Variants in DSCAM observed in about 807,000 individuals in gnomAD.
The protein encoded by DSCAM is DS cell adhesion molecule.
In DSCAM, 47 loss-of-function variants were observed where a neutral mutation model predicts 217.7. The ratio of observed to expected loss-of-function variants is 0.22; its 90% CI spans 0.17 to 0.28. The LOEUF (loss-of-function observed/expected upper bound fraction) is 0.28, where lower values mean the gene tolerates loss of function less well. DSCAM is among the 10% of genes least tolerant of loss of function. The pLI, the probability that DSCAM is intolerant of heterozygous loss-of-function variation, is 1.00. For synonymous variants in DSCAM, 1,056 were observed against 1,015.3 expected (o/e 1.04, Z -0.76); for missense variants, 2,080 against 2,618.3 (o/e 0.79, Z 4.49).
At chr21:40,642,029 A>AGAGG (rs10663304) in intron 3 of DSCAM, among the ~76,000 whole-genome samples, 1 of 144,124 alleles carries the variant, frequency 6.9e-6, no homozygotes, top group African/African-American at 2.6e-5. Flanking sequence ...CCTGGGTGAC[A>AGAGG]GAGACTCTGT....
At chr21:40,537,908 A>G (rs2146125165) in intron 3 of DSCAM, among the ~76,000 whole-genome samples, 1 of 152,262 alleles carries the variant, frequency 6.6e-6, no homozygotes, top group Non-Finnish European at 1.5e-5. Context: ...CACCTTTCGC[A>G]TTATATGAAG....
chr21:40,232,988 G>A (rs1444060090), intron 11 of DSCAM, among the ~76,000 whole-genome samples: 1 of 152,044 alleles, frequency 6.6e-6, no homozygotes, highest in Admixed American at 6.6e-5. Flanking sequence ...AGAAGAAAAT[G>A]AACTATGTTT....
At chr21:40,475,303 C>T (rs1385967824) in intron 3 of DSCAM, among the ~76,000 whole-genome samples, 1 of 152,188 alleles carries the variant, frequency 6.6e-6, no homozygotes, top group Non-Finnish European at 1.5e-5. Context: ...ACGAGGATGG[C>T]CCATCTTCCA....
intron 20 of DSCAM, among the ~76,000 whole-genome samples, chr21:40,102,653 A>G (rs191905295): frequency 1.3e-5 from 2 of 152,184 alleles, no homozygotes; most frequent in South Asian, 2.1e-4. Flanking sequence ...TGACCAGTAA[A>G]TAAGATATAA....
chr21:40,254,990 A>C (rs561183316), intron 11 of DSCAM, among the ~76,000 whole-genome samples: 1 of 152,066 alleles, frequency 6.6e-6, no homozygotes, highest in Non-Finnish European at 1.5e-5. Flanking sequence ...CGTGTGGGTA[A>C]AGGCCCCCTG....
chr21:40,575,462 C>T (rs1435781268), intron 3 of DSCAM, among the ~76,000 whole-genome samples: 1 of 95,934 alleles, frequency 1.0e-5, no homozygotes, highest in East Asian at 3.1e-4. Flanking sequence ...AATTAGATTA[C>T]GGGAATAGAA....
intron 2 of DSCAM, among the ~76,000 whole-genome samples, chr21:40,702,860 CACA>C (rs1465462338): frequency 1.3e-5 from 2 of 152,118 alleles, no homozygotes; most frequent in Admixed American, 1.3e-4. Flanking sequence ...GGTGACATTA[CACA>C]ACTTCACATA....
intron 18 of DSCAM, among the ~76,000 whole-genome samples, chr21:40,142,172 G>A (rs994791719): frequency 1.3e-5 from 2 of 152,100 alleles, no homozygotes; most frequent in East Asian, 1.9e-4. Flanking sequence ...GAAATTTAAC[G>A]TTTCCCCGCG....
At chr21:40,137,873 C>T (rs1415296283) in intron 18 of DSCAM, among the ~76,000 whole-genome samples, 1 of 152,102 alleles carries the variant, frequency 6.6e-6, no homozygotes, top group Non-Finnish European at 1.5e-5. Context: ...CCAGTTGGCA[C>T]CTAATTGTTG....
intron 30 of DSCAM, among the ~76,000 whole-genome samples, chr21:40,047,314 G>GTAAC (rs1349118832): frequency 6.6e-6 from 1 of 152,048 alleles, no homozygotes; most frequent in Non-Finnish European, 1.5e-5. Flanking sequence ...CCTTTTTTGT[G>GTAAC]TAACTTACTA....
chr21:40,554,165 C>T (rs1438062334), intron 3 of DSCAM, among the ~76,000 whole-genome samples: 2 of 151,570 alleles, frequency 1.3e-5, no homozygotes, highest in Non-Finnish European at 2.9e-5. Flanking sequence ...AGGCATGCAT[C>T]ACCATGCCTG....
intron 13 of DSCAM, 68 bp downstream of exon 13, chr21:40,187,823 T>C: frequency 7.3e-7 from 1 of 1,362,812 alleles, no homozygotes; most frequent in Non-Finnish European, 1.0e-6. Context: ...CAGAGATGCC[T>C]GAGGCTGAGC....
intron 32 of DSCAM, among the ~76,000 whole-genome samples, chr21:40,027,700 G>A (rs1265696908): frequency 5.9e-5 from 1 of 16,904 alleles, no homozygotes; most frequent in Admixed American, 6.8e-4. Flanking sequence ...TCTTCACGTA[G>A]TTCTCGAGCC....
chr21:40,272,045 G>T (rs1476006667), intron 11 of DSCAM, among the ~76,000 whole-genome samples: 1 of 151,430 alleles, frequency 6.6e-6, no homozygotes, highest in Admixed American at 6.6e-5. Context: ...ATTGAGACTT[G>T]TCTCATTATT....
chr21:40,516,880 A>G (rs1259005265), intron 3 of DSCAM, among the ~76,000 whole-genome samples: 4 of 141,016 alleles, frequency 2.8e-5, no homozygotes, highest in African/African-American at 1.1e-4. Flanking sequence ...ACATGCGCAC[A>G]CACACACCAT....
chr21:40,500,225 T>A (rs1466954672), intron 3 of DSCAM, among the ~76,000 whole-genome samples: 1 of 152,260 alleles, frequency 6.6e-6, no homozygotes, highest in Non-Finnish European at 1.5e-5. Flanking sequence ...AAATAGTTTC[T>A]AAATATTTTG....
intron 4 of DSCAM, among the ~76,000 whole-genome samples, chr21:40,358,375 C>T (rs1935877767): frequency 6.6e-6 from 1 of 152,030 alleles, no homozygotes; most frequent in Admixed American, 6.6e-5. Context: ...GGATTATGGC[C>T]TAAATATAAC....
intron 3 of DSCAM, among the ~76,000 whole-genome samples, chr21:40,491,199 G>A (rs1056405609): frequency 1.3e-5 from 2 of 152,120 alleles, no homozygotes; most frequent in African/African-American, 4.8e-5. Context: ...GCTTTCTAGT[G>A]AAAAATCTAT....
chr21:40,419,682 T>C (rs1307709720), intron 3 of DSCAM, among the ~76,000 whole-genome samples: 2 of 152,328 alleles, frequency 1.3e-5, no homozygotes, highest in South Asian at 2.1e-4. Context: ...AACTCAAGAA[T>C]GTATTGCATA....
Sources: allele counts gnomAD v4.1 joint callset (sites outside exome capture counted in the v4.1 genomes callset), GRCh38; gene constraint gnomAD v4.1.1; transcripts MANE v1.5; gene names NCBI Gene and HGNC (gene_info 2026-07-23, HGNC 2026-07-21).